The following LTBP1 variants were observed in gnomAD, a reference collection of about 807,000 sequenced individuals.
The protein encoded by LTBP1 is latent transforming growth factor beta binding protein 1.
Under a neutral mutation model 207.6 loss-of-function variants are expected in LTBP1, and 129 were observed. The observed-to-expected ratio is 0.62, with a 90% CI of 0.54 to 0.72. LTBP1 has a LOEUF of 0.72. Ranked by LOEUF, LTBP1 falls within the 30% of genes least tolerant of loss-of-function variation. LTBP1 has a pLI of 0.00. For missense variants in LTBP1, 2,281 were observed against 2,217.2 expected (o/e 1.03, Z -0.58); for synonymous variants, 963 against 833.7 (o/e 1.16, Z -2.67).
chr2:33,372,054 T>A (rs949808557), intron 31 of LTBP1, among the ~76,000 whole-genome samples: 2 of 152,324 alleles, frequency 1.3e-5, no homozygotes, highest in East Asian at 3.9e-4. Context: ...GTTTAAGGCA[T>A]CCACTGGGGG....
chr2:32,982,165 G>A (rs1682864533), intron 2 of LTBP1, among the ~76,000 whole-genome samples: 1 of 152,198 alleles, frequency 6.6e-6, no homozygotes, highest in Non-Finnish European at 1.5e-5. Flanking sequence ...AGTCCAGGCT[G>A]AGGTGGTCTC....
intron 19 of LTBP1, chr2:33,291,440 G>A (rs2093772919): frequency 6.6e-6 from 1 of 152,192 alleles, no homozygotes; most frequent in Non-Finnish European, 1.5e-5. Context: ...ACATTTTCCT[G>A]TTGCTGTCTG....
chr2:33,254,859 T>G (rs13001988), intron 11 of LTBP1, among the ~76,000 whole-genome samples: 159 of 94,802 alleles, frequency 1.7e-3, no homozygotes, highest in Admixed American at 3.1e-3. Context: ...TTGGTTTTTT[T>G]TTTTTTTTTT....
chr2:32,988,432 G>T (rs1232248169), intron 2 of LTBP1, among the ~76,000 whole-genome samples: 1 of 152,156 alleles, frequency 6.6e-6, no homozygotes, highest in Non-Finnish European at 1.5e-5. Context: ...AGCTCCTAAA[G>T]AGCCATAGGA....
chr2:33,182,027 A>G (rs2086689973), intron 5 of LTBP1, among the ~76,000 whole-genome samples: 1 of 152,200 alleles, frequency 6.6e-6, no homozygotes, highest in Non-Finnish European at 1.5e-5. Context: ...TGAGACAAAG[A>G]GCTTTATATT....
In LTBP1 at chr2:33,312,512, C is replaced by T. The variant is rs141309951; in HGVS notation, c.3605-2632C>T. 2.6e-3 allele frequency among the ~76,000 whole-genome samples: 402 copies of T among 152,240 alleles called. 1 individual carries two copies. The highest frequency in any genetic ancestry group is 8.9e-3 in the African/African-American group (370 of 41,564). ...TTTACGCATGCCAAATTATGAATTT[C>T]TGTGGAATCGCGGACCCATGAAAGA... On this transcript the variant is annotated intron_variant, in intron 23 of 33. Coordinates refer to ENST00000404816, the MANE Select transcript of LTBP1 (RefSeq NM_206943.4).
At position 33,056,406 on chromosome 2, in the gene LTBP1, C is replaced by T; in HGVS notation, c.863+35200C>T. 3 of 1,165,012 alleles carry T rather than the reference C, an allele frequency of 2.6e-6. No homozygotes were observed. In the South Asian group the frequency reaches 7.8e-5, roughly 30 times the overall value. The allele number at this position is 1,165,012 out of a possible 1,614,324, so 72.2% of individuals were successfully genotyped here. On this transcript the variant is annotated intron_variant, in intron 3 of 33. Coordinates refer to ENST00000404816, the MANE Select transcript of LTBP1 (RefSeq NM_206943.4). ...GGCCTGGATGTTAGGCAAAATGCCG[C>T]CCTGGGCGATGGTGACTTTGCCCAG... is the stretch of plus-strand genomic sequence containing the variant.
intron 5 of LTBP1, among the ~76,000 whole-genome samples, chr2:33,147,975 T>TA (rs2083191284): frequency 1.3e-5 from 2 of 152,224 alleles, no homozygotes; most frequent in South Asian, 4.1e-4. Flanking sequence ...AAATAACAGA[T>TA]ACTGCCTTTT....
rs1481298412 is a variant in LTBP1 at position 33,399,407 on chromosome 2, G to T, written c.*862G>T. On this transcript the variant is annotated 3_prime_UTR_variant, in exon 34 of 34. Coordinates refer to ENST00000404816, the MANE Select transcript of LTBP1 (RefSeq NM_206943.4). ...GTCAATGAGTACATGTGTATAAGTT[G>T]TATCCCACTCTCCCCACTTTTATCT... 6.6e-6 allele frequency: 1 copy of T among 152,148 alleles called. No individual in the cohort carries two copies. The highest frequency in any genetic ancestry group is 1.5e-5 in the Non-Finnish European group (1 of 68,030). The allele number at this position is 152,148 out of a possible 1,614,324, so 9.4% of individuals were successfully genotyped here.
At chr2:33,108,557 G>A (rs574404430) in intron 3 of LTBP1, among the ~76,000 whole-genome samples, 37 of 152,122 alleles carry the variant, frequency 2.4e-4, no homozygotes, top group African/African-American at 7.7e-4. Flanking sequence ...ATTCAGAGGG[G>A]GGACAAGAGA....
At chr2:33,254,558 T>TG (rs1553470007) in intron 11 of LTBP1, among the ~76,000 whole-genome samples, 22 of 148,718 alleles carry the variant, frequency 1.5e-4, no homozygotes, top group African/African-American at 5.2e-4. Flanking sequence ...GGTTTTTTTT[T>TG]TTTTTTTTTT....
At chr2:33,259,705 A>G in intron 13 of LTBP1, 95 bp downstream of exon 13, 1 of 1,173,214 alleles carries the variant, frequency 8.5e-7, no homozygotes, top group South Asian at 1.5e-5. Flanking sequence ...AAATATAGTA[A>G]CATCTCTATT....
At chr2:32,959,597 G>GTATGTGTATATATATA (rs1553344613) in intron 2 of LTBP1, among the ~76,000 whole-genome samples, 2 of 58,340 alleles carry the variant, frequency 3.4e-5, no homozygotes, top group South Asian at 1.2e-3. Context: ...ATATGTACGT[G>GTATGTGTATATATATA]TATATATATA....
rs879700839 is a variant in LTBP1, at chr2:33,031,190, A to ATT, written c.863+9985_863+9986dup. Reference sequence around the variant, plus strand: ...AGGACAAGAATACAATCTGTTACTCATTGACTGGGTAATTTATTTCAGAAT... The same window carrying ATT: ...AGGACAAGAATACAATCTGTTACTCATTTTGACTGGGTAATTTATTTCAGAAT... On this transcript the variant is annotated intron_variant, in intron 3 of 33. Transcript: ENST00000404816. Among the ~76,000 whole-genome samples, 329 of 152,316 alleles carry ATT rather than the reference A, an allele frequency of 2.2e-3. 5 individuals are homozygous for ATT. The highest frequency in any genetic ancestry group is 0.019 in the Admixed American group (295 of 15,300).
chr2:32,981,518 G>GT (rs763237067), intron 2 of LTBP1, among the ~76,000 whole-genome samples: 1 of 152,160 alleles, frequency 6.6e-6, no homozygotes, highest in Non-Finnish European at 1.5e-5. Context: ...CTTTTTACTT[G>GT]TTAAGATGGA....
intron 13 of LTBP1, among the ~76,000 whole-genome samples, chr2:33,262,030 A>G (rs2093025976): frequency 6.6e-6 from 1 of 152,176 alleles, no homozygotes; most frequent in Non-Finnish European, 1.5e-5. Flanking sequence ...TGAGCCCTGC[A>G]CAGTTGTAAA....
intron 2 of LTBP1, among the ~76,000 whole-genome samples, chr2:32,952,535 C>G (rs966601552): frequency 3.9e-5 from 6 of 152,328 alleles, no homozygotes; most frequent in African/African-American, 1.2e-4. Flanking sequence ...TGTGCTCTTT[C>G]CAAGGAATTA....
intron 31 of LTBP1, among the ~76,000 whole-genome samples, chr2:33,373,661 G>T (rs2095099726): frequency 6.6e-6 from 1 of 152,110 alleles, no homozygotes; most frequent in South Asian, 2.1e-4. Flanking sequence ...GAAGAGATAA[G>T]TAAATGATCT....
intron 2 of LTBP1, among the ~76,000 whole-genome samples, chr2:33,018,299 TGTCA>T (rs1331168633): frequency 6.6e-6 from 1 of 152,072 alleles, no homozygotes; most frequent in Non-Finnish European, 1.5e-5. Flanking sequence ...CATTGGAGGA[TGTCA>T]GTCCTTGGCC....
Sources: allele counts gnomAD v4.1 joint callset (sites outside exome capture counted in the v4.1 genomes callset), GRCh38; gene constraint gnomAD v4.1.1; transcripts MANE v1.5; gene names NCBI Gene and HGNC (gene_info 2026-07-23, HGNC 2026-07-21).